The following NFAM1 variants were observed in gnomAD, a reference collection of about 807,000 sequenced individuals.
The protein encoded by NFAM1 is NFAT activating protein with ITAM motif 1, also known as NFAT activation molecule 1.
Under a neutral mutation model 29.0 loss-of-function variants are expected in NFAM1, and 17 were observed. That is an observed-to-expected ratio of 0.59 (90% CI 0.40 to 0.88). NFAM1 has a LOEUF of 0.88. NFAM1 is among the 40% of genes least tolerant of loss of function. The pLI is 0.00. For missense variants in NFAM1, 324 were observed against 344.6 expected, an observed-to-expected ratio of 0.94 and a Z score of 0.47; for synonymous variants, 175 against 147.2, an observed-to-expected ratio of 1.19 and a Z score of -1.36.
chr22:42,389,938 C>T (rs942894899), intron 4 of NFAM1, among the ~76,000 whole-genome samples: 5 of 152,168 alleles, frequency 3.3e-5, no homozygotes, highest in East Asian at 3.9e-4. Flanking sequence ...GGGTGTTGTT[C>T]GGGAAGGAAC....
chr22:42,418,460 GGC>G (rs1282074796), intron 1 of NFAM1, among the ~76,000 whole-genome samples: 1 of 152,172 alleles, frequency 6.6e-6, no homozygotes, highest in Non-Finnish European at 1.5e-5. Flanking sequence ...GGGAGGCCGA[GGC>G]AGGCAGATCA....
At chr22:42,400,442 A>AC (rs1399862939) in intron 3 of NFAM1, among the ~76,000 whole-genome samples, 2 of 151,956 alleles carry the variant, frequency 1.3e-5, no homozygotes, top group East Asian at 3.9e-4. Context: ...ACATAGTGAA[A>AC]CCCCATCTCT....
rs1161948008 is a variant in NFAM1, at chr22:42,409,473, G to A, written c.526C>T (p.Leu176=). ...LFGFTGLLSV[L]SVVGTALLLW... is the part of the protein sequence containing the mutation. ...AGCAGGGCCGTGCCCACTACACTCAGGACACTCAGGAGGCCGGTGAAGCCA... is the reference window on the plus strand; with the variant it reads ...AGCAGGGCCGTGCCCACTACACTCAAGACACTCAGGAGGCCGGTGAAGCCA... The change falls in exon 3 of 6, where the codon CTG becomes TTG. Residue 176 remains leucine, a synonymous_variant. Coordinates refer to ENST00000329021, the MANE Select transcript of NFAM1 (RefSeq NM_145912.8). This position sits in a 1 kb window ranked among gnomAD's most constrained non-coding sequence, Gnocchi z 4.9. The A allele has an allele frequency of 6.4e-7, 1 of 1,567,564 alleles. No homozygotes were observed. Among genetic ancestry groups the A allele is most frequent in the Admixed American group, 1.8e-5 (1 of 54,486 alleles).
intron 1 of NFAM1, among the ~76,000 whole-genome samples, chr22:42,416,438 T>A (rs1277835749): frequency 6.6e-6 from 1 of 152,148 alleles, no homozygotes; most frequent in Non-Finnish European, 1.5e-5. Flanking sequence ...TGGGAAGCTG[T>A]CATCAGATAT....
At chr22:42,385,839 C>T (rs973588589) in intron 5 of NFAM1, among the ~76,000 whole-genome samples, 2 of 152,088 alleles carry the variant, frequency 1.3e-5, no homozygotes, top group African/African-American at 2.4e-5. Context: ...TGAGAACAGG[C>T]GATTTAACAA....
At position 42,390,450 on chromosome 22, in the gene NFAM1, G is replaced by A. The variant is rs552952546; in HGVS notation, c.664-3372C>T. Among the ~76,000 whole-genome samples, 116 of 152,282 alleles carry A rather than the reference G, an allele frequency of 7.6e-4. 2 individuals carry two copies. The Middle Eastern group carries it at 0.017, about 22-fold the overall frequency. On this transcript the variant is annotated intron_variant, in intron 4 of 5. Transcript: ENST00000329021. The stretch of plus-strand genomic sequence containing the variant: ...GGTTGGGATGGGACAGGAAAGGGAA[G>A]AGGGGGCAATTTTGAAAGGGAAGTC...
At chr22:42,429,899 G>A (rs1930739510) in intron 1 of NFAM1, among the ~76,000 whole-genome samples, 1 of 152,356 alleles carries the variant, frequency 6.6e-6, no homozygotes, top group Admixed American at 6.5e-5. Context: ...TCAAAGCTCT[G>A]AGACGAGAAG....
At chr22:42,418,751 C>G (rs564042606) in intron 1 of NFAM1, among the ~76,000 whole-genome samples, 37 of 152,120 alleles carry the variant, frequency 2.4e-4, no homozygotes, top group African/African-American at 8.4e-4. Flanking sequence ...AAATGACATG[C>G]CCTCAGTGCA....
At chr22:42,401,259 C>G (rs1419746458) in intron 3 of NFAM1, among the ~76,000 whole-genome samples, 1 of 152,136 alleles carries the variant, frequency 6.6e-6, no homozygotes. Flanking sequence ...GCGAACAGCT[C>G]GGGGGCAGGA....
chr22:42,404,287 T>C, intron 3 of NFAM1, among the ~76,000 whole-genome samples: 1 of 152,006 alleles, frequency 6.6e-6, no homozygotes. Flanking sequence ...GCGGTTCGGG[T>C]CCACCCTCTG....
chr22:42,386,935 T>G, intron 5 of NFAM1, 54 bp downstream of exon 5: 2 of 961,514 alleles, frequency 2.1e-6, no homozygotes, highest in South Asian at 1.6e-5. Flanking sequence ...TCACCAGTGA[T>G]GGGAGGGTCA....
chr22:42,422,182 C>T (rs1179246902), intron 1 of NFAM1, among the ~76,000 whole-genome samples: 1 of 152,166 alleles, frequency 6.6e-6, no homozygotes, highest in Non-Finnish European at 1.5e-5. Flanking sequence ...GCCTCTAGAC[C>T]CCCGAACCAG....
chr22:42,415,306 T>TC (rs1930222861), intron 1 of NFAM1, among the ~76,000 whole-genome samples: 1 of 144,020 alleles, frequency 6.9e-6, no homozygotes, highest in Admixed American at 6.9e-5. Flanking sequence ...TTTTTTTTTT[T>TC]TTTTTTTTTT....
chr22:42,396,351 A>G (rs1005907668), intron 4 of NFAM1, among the ~76,000 whole-genome samples: 32 of 152,242 alleles, frequency 2.1e-4, no homozygotes, highest in African/African-American at 7.5e-4. Flanking sequence ...CAATTAAAAA[A>G]GAAGTATGTG....
intron 1 of NFAM1, among the ~76,000 whole-genome samples, chr22:42,432,031 T>C (rs1390560824): frequency 6.6e-6 from 1 of 151,706 alleles, no homozygotes; most frequent in Non-Finnish European, 1.5e-5. Flanking sequence ...GCTGTCCCCC[T>C]CCCCTTCAAA....
At chr22:42,403,091 A>T (rs1367582797) in intron 3 of NFAM1, among the ~76,000 whole-genome samples, 1 of 150,088 alleles carries the variant, frequency 6.7e-6, no homozygotes, top group Admixed American at 6.6e-5. Context: ...CCCACCTCGG[A>T]CTCCCAAAGT....
rs375226829 is a variant in NFAM1 at position 42,387,043 on chromosome 22, G to A, written c.699C>T (p.Cys233=). ...LQRRETEVYA[C]IENEDGSSPT... ...GTGAGCTGCCATCCTCATTCTCGAT[G>A]CAGGCATAGACCTCGGTCTCGCGGC... The change falls in exon 5 of 6, where the codon TGC becomes TGT. Residue 233 remains cysteine (C), a synonymous_variant. Transcript: ENST00000329021. 8 of 1,587,038 alleles carry A rather than the reference G, an allele frequency of 5.0e-6. No individual in the cohort carries two copies. In the African/African-American group the frequency reaches 6.9e-5, roughly 14 times the overall value.
chr22:42,410,292 G>C (rs1930038615), intron 2 of NFAM1: 1 of 262,496 alleles, frequency 3.8e-6, no homozygotes. Flanking sequence ...GGGGATCGCA[G>C]AGGTAGGTCA....
At chr22:42,385,742 C>G (rs891332208) in intron 5 of NFAM1, among the ~76,000 whole-genome samples, 1 of 152,190 alleles carries the variant, frequency 6.6e-6, no homozygotes, top group African/African-American at 2.4e-5. Flanking sequence ...TGTCCAGCAC[C>G]CCAGGGCCTG....
Sources: gnomAD v4.1 joint callset for allele counts (sites outside exome capture counted in the v4.1 genomes callset) on GRCh38, gnomAD v4.1.1 for gene constraint, Gnocchi (gnomAD v3.1) non-coding constraint, MANE v1.5 for transcripts, NCBI Gene and HGNC (gene_info 2026-07-23, HGNC 2026-07-21) for gene names.